The following DGKB variants were observed in gnomAD, a reference collection of about 807,000 sequenced individuals.
The protein encoded by DGKB is diacylglycerol kinase beta, also known as 90 kDa diacylglycerol kinase.
DGKB carries 67 observed loss-of-function variants against 114.3 expected under a neutral mutation model. That is an observed-to-expected ratio of 0.59 (90% CI 0.48 to 0.72). The LOEUF (loss-of-function observed/expected upper bound fraction) is 0.72. Ranked by LOEUF, DGKB falls within the 30% of genes least tolerant of loss-of-function variation. The probability of loss-of-function intolerance (pLI) is 0.00; values close to 1 mark genes in which losing one functional copy is unlikely to be tolerated. For synonymous variants in DGKB, 398 were observed against 323.1 expected (o/e 1.23, Z -2.49); for missense variants, 907 against 975.2 (o/e 0.93, Z 0.93).
rs545953364 is a variant in DGKB at position 14,701,605 on chromosome 7, A to G, written c.516+76T>C. The stretch of plus-strand genomic sequence containing the variant: ...ATTAAGTGTGCCTTCTGTGGTAATA[A>G]CTACAAATTTATTCATTGCATTCTT... On this transcript the variant is annotated intron_variant, in intron 7 of 25. Coordinates refer to ENST00000402815, the MANE Select transcript of DGKB (RefSeq NM_001350709.2). 4.9e-5 allele frequency: 51 copies of G among 1,046,958 alleles called. No homozygotes were observed. In the East Asian group the frequency reaches 1.2e-3, roughly 25 times the overall value. 64.9% of individuals were successfully genotyped at this position (1,046,958 alleles called of 1,614,324 possible). A position where few individuals can be genotyped will look rare whatever the true frequency, so the allele number is the denominator to read the frequency against.
chr7:14,840,102 C>A (rs1335915168), intron 2 of DGKB, among the ~76,000 whole-genome samples: 1 of 152,144 alleles, frequency 6.6e-6, no homozygotes, highest in East Asian at 1.9e-4. Flanking sequence ...CTTTTCTCTG[C>A]TTCTACTTTA....
intron 21 of DGKB, among the ~76,000 whole-genome samples, chr7:14,381,032 G>T (rs1396302468): frequency 6.6e-6 from 1 of 152,184 alleles, no homozygotes; most frequent in Non-Finnish European, 1.5e-5. Flanking sequence ...CTCGTAGTTG[G>T]AAGGAAGGCT....
At chr7:14,920,153 A>G (rs1288492639) in intron 1 of DGKB, among the ~76,000 whole-genome samples, 4 of 152,214 alleles carry the variant, frequency 2.6e-5, no homozygotes, top group Non-Finnish European at 5.9e-5. Context: ...GAAAAGAAAA[A>G]TGATAATTTG....
intron 21 of DGKB, among the ~76,000 whole-genome samples, chr7:14,384,345 T>A (rs1819977923): frequency 6.6e-6 from 1 of 152,234 alleles, no homozygotes; most frequent in African/African-American, 2.4e-5. Context: ...CTTGACTTCC[T>A]TTTTTGTAAA....
chr7:14,786,056 G>C (rs1401050617), intron 2 of DGKB, among the ~76,000 whole-genome samples: 2 of 151,276 alleles, frequency 1.3e-5, no homozygotes, highest in Non-Finnish European at 2.9e-5. Context: ...TCGTCTTCAT[G>C]ACATTTGCAA....
intron 20 of DGKB, among the ~76,000 whole-genome samples, chr7:14,561,463 AAT>A (rs1162328174): frequency 6.6e-6 from 1 of 152,108 alleles, no homozygotes; most frequent in Admixed American, 6.5e-5. Flanking sequence ...GTGACTTTGG[AAT>A]AGAGTGACAG....
chr7:14,269,058 G>C (rs1797912395), intron 23 of DGKB: 1 of 152,154 alleles, frequency 6.6e-6, no homozygotes. Context: ...CTGATTCCAT[G>C]ATGGCTCATT....
At chr7:14,629,630 T>C (rs1463855902) in intron 14 of DGKB, among the ~76,000 whole-genome samples, 1 of 152,090 alleles carries the variant, frequency 6.6e-6, no homozygotes, top group African/African-American at 2.4e-5. Context: ...GTGGAGGCTT[T>C]GCATCATCAA....
chr7:14,794,557 T>C (rs1326593938), intron 2 of DGKB, among the ~76,000 whole-genome samples: 2 of 152,150 alleles, frequency 1.3e-5, no homozygotes, highest in African/African-American at 2.4e-5. Context: ...AAGTGCTGCA[T>C]AAATGACTTA....
chr7:14,153,668 A>G (rs1460847675), intron 25 of DGKB, among the ~76,000 whole-genome samples: 2 of 151,960 alleles, frequency 1.3e-5, no homozygotes, highest in African/African-American at 4.8e-5. Context: ...TCAAATTTCT[A>G]TCCCTGTCCT....
chr7:14,170,412 T>G (rs1257816773), intron 25 of DGKB, among the ~76,000 whole-genome samples: 1 of 152,074 alleles, frequency 6.6e-6, no homozygotes, highest in Non-Finnish European at 1.5e-5. Flanking sequence ...ATTAAATAAG[T>G]AATAAACATG....
intron 23 of DGKB, among the ~76,000 whole-genome samples, chr7:14,313,168 G>T (rs938681035): frequency 3.3e-5 from 5 of 152,142 alleles, no homozygotes; most frequent in Admixed American, 6.5e-5. Flanking sequence ...AAAAGTATTT[G>T]AACAGATTAT....
chr7:14,819,458 C>G (rs187429141), intron 2 of DGKB, among the ~76,000 whole-genome samples: 1 of 152,062 alleles, frequency 6.6e-6, no homozygotes, highest in East Asian at 1.9e-4. Context: ...GTCATGGTGG[C>G]CTATGCCTGT....
intron 23 of DGKB, among the ~76,000 whole-genome samples, chr7:14,334,849 G>A (rs1360208153): frequency 6.6e-6 from 1 of 152,076 alleles, no homozygotes; most frequent in Non-Finnish European, 1.5e-5. Context: ...ATTAACGCTA[G>A]GAGAACTGAA....
At chr7:14,765,286 T>C (rs956169743) in intron 2 of DGKB, among the ~76,000 whole-genome samples, 3 of 152,016 alleles carry the variant, frequency 2.0e-5, no homozygotes, top group Non-Finnish European at 4.4e-5. Context: ...TCTCTACTTG[T>C]TCCTGCTAAG....
intron 21 of DGKB, among the ~76,000 whole-genome samples, chr7:14,361,021 C>T (rs1815632191): frequency 6.6e-6 from 1 of 152,134 alleles, no homozygotes; most frequent in South Asian, 2.1e-4. Flanking sequence ...AGTTCCTTCA[C>T]ACATTATTTC....
At chr7:14,757,475 C>CAT (rs144689208) in intron 3 of DGKB, among the ~76,000 whole-genome samples, 180 bp downstream of exon 3, 36,724 of 149,390 alleles carry the variant, frequency 0.25, 5,390 homozygotes, top group African/African-American at 0.41. Context: ...TTATGGTGTG[C>CAT]ATATATATAT....
chr7:14,373,977 T>G (rs781700406), intron 21 of DGKB, among the ~76,000 whole-genome samples: 4 of 152,120 alleles, frequency 2.6e-5, no homozygotes, highest in Non-Finnish European at 5.9e-5. Flanking sequence ...TAATTCTCAT[T>G]TCCTCTGCTG....
intron 21 of DGKB, among the ~76,000 whole-genome samples, chr7:14,392,995 G>GTTTTGTTTTTTGTTTT (rs1554404749): frequency 0.044 from 2,645 of 60,566 alleles, 251 homozygotes; most frequent in African/African-American, 0.12. Flanking sequence ...TTTTGTTTTT[G>GTTTTGTTTTTTGTTTT]TTTTTTTTTT....
Sources: allele counts gnomAD v4.1 joint callset (sites outside exome capture counted in the v4.1 genomes callset), GRCh38; gene constraint gnomAD v4.1.1; transcripts MANE v1.5; gene names NCBI Gene and HGNC (gene_info 2026-07-23, HGNC 2026-07-21).